COBLL1: variants seen among roughly 807,000 people sequenced by gnomAD.
COBLL1 encodes the protein cordon-bleu WH2 repeat protein like 1, also known as cordon-bleu protein-like 1.
A neutral mutation model predicts 94.8 loss-of-function variants in COBLL1; 50 were observed. That is an observed-to-expected ratio of 0.53 (90% CI 0.42 to 0.67). The LOEUF (loss-of-function observed/expected upper bound fraction) is 0.67. COBLL1 is among the 30% of genes least tolerant of loss of function. The pLI is 0.00. For missense variants in COBLL1, 1,362 were observed against 1,348.7 expected, an observed-to-expected ratio of 1.01 and a Z score of -0.15; for synonymous variants, 448 against 473.8, an observed-to-expected ratio of 0.95 and a Z score of 0.71.
At chr2:164,767,349 A>G (rs1241611909) in intron 2 of COBLL1, among the ~76,000 whole-genome samples, 1 of 152,220 alleles carries the variant, frequency 6.6e-6, no homozygotes, top group Non-Finnish European at 1.5e-5. Flanking sequence ...AATGATTTAG[A>G]AAAATTATCA....
chr2:164,708,426 A>C (rs1341030014), intron 7 of COBLL1, among the ~76,000 whole-genome samples: 1 of 152,216 alleles, frequency 6.6e-6, no homozygotes, highest in Non-Finnish European at 1.5e-5. Context: ...ACAAAAAGGT[A>C]AGAAAGAAGT....
intron 2 of COBLL1, among the ~76,000 whole-genome samples, chr2:164,748,332 A>G (rs1340977287): frequency 6.6e-6 from 1 of 152,050 alleles, no homozygotes. Flanking sequence ...TCTTTTACCT[A>G]CTCACATTCT....
At chr2:164,741,109 C>T (rs1004223519) in intron 3 of COBLL1, among the ~76,000 whole-genome samples, 1 of 151,984 alleles carries the variant, frequency 6.6e-6, no homozygotes, top group African/African-American at 2.4e-5. Flanking sequence ...AATCCCATCT[C>T]TTCTAAAAAT....
At chr2:164,741,973 T>G (rs1686621712) in intron 3 of COBLL1, among the ~76,000 whole-genome samples, 1 of 152,062 alleles carries the variant, frequency 6.6e-6, no homozygotes, top group African/African-American at 2.4e-5. Flanking sequence ...TAAGGAACCC[T>G]AAGATCTCAG....
At chr2:164,743,521 G>T in intron 3 of COBLL1, 166 bp downstream of exon 3, 1 of 594,670 alleles carries the variant, frequency 1.7e-6, no homozygotes. Flanking sequence ...AACATTGATA[G>T]AAAATTTTTA....
intron 2 of COBLL1, among the ~76,000 whole-genome samples, chr2:164,808,455 T>G (rs894491382): frequency 1.2e-4 from 18 of 152,182 alleles, no homozygotes; most frequent in African/African-American, 4.3e-4. Flanking sequence ...CCAACACATT[T>G]ATAGCAGTCT....
At chr2:164,827,279 T>A (rs1443405339) in intron 2 of COBLL1, among the ~76,000 whole-genome samples, 1 of 152,176 alleles carries the variant, frequency 6.6e-6, no homozygotes, top group East Asian at 1.9e-4. Flanking sequence ...CATGGTAAAT[T>A]CTGGCTTAGA....
At chr2:164,786,814 G>A (rs1197560468) in intron 2 of COBLL1, among the ~76,000 whole-genome samples, 2 of 151,976 alleles carry the variant, frequency 1.3e-5, no homozygotes, top group African/African-American at 4.8e-5. Flanking sequence ...AAAAAGCTTG[G>A]TACACCATTC....
chr2:164,659,961 C>T (rs1691043501), intron 2 of COBLL1, among the ~76,000 whole-genome samples: 1 of 152,158 alleles, frequency 6.6e-6, no homozygotes, highest in Non-Finnish European at 1.5e-5. Context: ...TCCATGAAAA[C>T]TCAGATGAGC....
intron 2 of COBLL1, among the ~76,000 whole-genome samples, chr2:164,750,301 A>C (rs1187079532): frequency 6.6e-6 from 1 of 152,032 alleles, no homozygotes; most frequent in Non-Finnish European, 1.5e-5. Context: ...AACCTACTCT[A>C]TATTATTCCC....
intron 7 of COBLL1, among the ~76,000 whole-genome samples, chr2:164,709,336 T>C (rs1684764782): frequency 1.3e-5 from 2 of 152,202 alleles, no homozygotes; most frequent in Non-Finnish European, 2.9e-5. Context: ...TCTGTGACAT[T>C]CACCACCCTT....
intron 2 of COBLL1, among the ~76,000 whole-genome samples, chr2:164,747,019 T>G (rs1295791478): frequency 6.6e-6 from 1 of 152,082 alleles, no homozygotes; most frequent in Non-Finnish European, 1.5e-5. Context: ...ATACACAGAA[T>G]CTCTGGGACC....
At chr2:164,709,042 G>A (rs1342922216) in intron 7 of COBLL1, among the ~76,000 whole-genome samples, 1 of 152,106 alleles carries the variant, frequency 6.6e-6, no homozygotes, top group Non-Finnish European at 1.5e-5. Context: ...AATATACACA[G>A]ACTCACAAAT....
intron 2 of COBLL1, among the ~76,000 whole-genome samples, chr2:164,767,049 TAAAG>T (rs938505350): frequency 1.1e-4 from 17 of 152,180 alleles, no homozygotes; most frequent in South Asian, 2.1e-4. Flanking sequence ...ACATGTCTAA[TAAAG>T]AAAGATGTAG....
At chr2:164,805,561 T>A (rs1227710412) in intron 2 of COBLL1, among the ~76,000 whole-genome samples, 1 of 150,968 alleles carries the variant, frequency 6.6e-6, no homozygotes, top group Non-Finnish European at 1.5e-5. Context: ...CCATAGTTTA[T>A]GTTATATAGT....
At chr2:164,800,634 C>T (rs966811143) in intron 2 of COBLL1, 1 of 683,470 alleles carries the variant, frequency 1.5e-6, no homozygotes, top group Non-Finnish European at 2.7e-6. Context: ...CATAATGAAC[C>T]CAAACTGGAA....
At chr2:164,700,859 CTT>C (rs1684216708) in intron 9 of COBLL1, 103 bp from the exon 10 acceptor site, 2 of 699,858 alleles carry the variant, frequency 2.9e-6, no homozygotes, top group Non-Finnish European at 4.8e-6. Context: ...TAGCTGGACT[CTT>C]TTAAATTCTG....
intron 2 of COBLL1, chr2:164,800,547 T>A (rs1381280534): frequency 4.3e-6 from 3 of 702,310 alleles, no homozygotes; most frequent in Non-Finnish European, 7.8e-6. Context: ...GACCCAGCAA[T>A]CTCTCTCCTA....
intron 2 of COBLL1, among the ~76,000 whole-genome samples, chr2:164,762,805 T>G (rs1687747857): frequency 6.6e-6 from 1 of 151,410 alleles, no homozygotes; most frequent in Non-Finnish European, 1.5e-5. Flanking sequence ...CAGGCCATTC[T>G]CCTGCCTCAG....
Sources: gnomAD v4.1 joint callset for allele counts (sites outside exome capture counted in the v4.1 genomes callset) on GRCh38, gnomAD v4.1.1 for gene constraint, MANE v1.5 for transcripts, NCBI Gene and HGNC (gene_info 2026-07-23, HGNC 2026-07-21) for gene names.